The following BCAS3 variants were observed in gnomAD, a reference collection of about 807,000 sequenced individuals.
The protein encoded by BCAS3 is BCAS4/BCAS3 fusion.
In BCAS3, 53 loss-of-function variants were observed where a neutral mutation model predicts 116.1. The ratio of observed to expected loss-of-function variants is 0.46; its 90% CI spans 0.37 to 0.57. The LOEUF is 0.57. BCAS3 is among the 20% of genes least tolerant of loss of function. BCAS3 has a pLI of 0.00. For missense variants in BCAS3, 917 were observed against 1,165.4 expected (o/e 0.79, Z 3.10); for synonymous variants, 391 against 408.2 (o/e 0.96, Z 0.51).
At position 61,017,522 on chromosome 17, in the gene BCAS3, C is replaced by T. The variant is rs1373501835; in HGVS notation, c.1637+1621C>T. On this transcript the variant is annotated intron_variant, in intron 16 of 23. Transcript: ENST00000407086. The surrounding 1 kb of genome is among the most constrained non-coding windows in gnomAD (Gnocchi z 4.7). ...GAAATTTAAGAAGGTTCAAAAGGCT[C>T]CTGGAGTCATAAAAGCATATTCTGG... Among the ~76,000 whole-genome samples the T allele has an allele frequency of 6.6e-6, 1 of 152,136 alleles. No individual in the cohort carries two copies. The highest frequency in any genetic ancestry group is 1.5e-5 in the Non-Finnish European group (1 of 68,008).
At chr17:60,741,919 A>C (rs1305656010) in intron 5 of BCAS3, among the ~76,000 whole-genome samples, 1 of 152,208 alleles carries the variant, frequency 6.6e-6, no homozygotes, top group Admixed American at 6.5e-5. Flanking sequence ...GTTTACATCA[A>C]TATTCTTTAT....
At chr17:60,882,539 T>A (rs1286610712) in intron 9 of BCAS3, among the ~76,000 whole-genome samples, 1 of 152,218 alleles carries the variant, frequency 6.6e-6, no homozygotes, top group East Asian at 1.9e-4. Context: ...TGAATGGTCA[T>A]GCCTAGGTTC....
chr17:61,111,155 T>C (rs1230114767), intron 22 of BCAS3, among the ~76,000 whole-genome samples: 2 of 151,202 alleles, frequency 1.3e-5, no homozygotes, highest in East Asian at 3.9e-4. Context: ...ACAGAAAAAC[T>C]GGAAACTCTA....
In BCAS3 at chr17:61,161,741, G is replaced by A. The variant is rs529024374; in HGVS notation, c.2425+77177G>A. 8.5e-5 allele frequency among the ~76,000 whole-genome samples: 13 copies of A among 152,148 alleles called. No homozygotes were observed. Among genetic ancestry groups the A allele is most frequent in the African/African-American group, 1.9e-4 (8 of 41,514 alleles). On this transcript the variant is annotated intron_variant, in intron 22 of 23. Coordinates refer to ENST00000407086, the MANE Select transcript of BCAS3 (RefSeq NM_017679.5). This position sits in a 1 kb window ranked among gnomAD's most constrained non-coding sequence, Gnocchi z 4.8. ...CCCCTCAGCACACATACCAGCCCCC[G>A]CAATTCCAGTTTCATGGTGCCTGAG...
chr17:61,327,934 G>A lies in BCAS3; in HGVS notation c.2426-40393G>A, dbSNP rs914228530. ...GTAAATTGGTGCACCCTTTTTGGAA[G>A]GCAGTTTGGTAGTAACCATTATACA... On this transcript the variant is annotated intron_variant, in intron 22 of 23. Transcript: ENST00000407086. The surrounding 1 kb of genome is among the most constrained non-coding windows in gnomAD (Gnocchi z 5.9). Among the ~76,000 whole-genome samples the A allele has an allele frequency of 6.6e-6, 1 of 152,132 alleles. No homozygotes were observed. The highest frequency in any genetic ancestry group is 2.4e-5 in the African/African-American group (1 of 41,424).
chr17:61,108,915 C>T (rs118066438), intron 22 of BCAS3, among the ~76,000 whole-genome samples: 14 of 152,188 alleles, frequency 9.2e-5, no homozygotes, highest in East Asian at 5.8e-4. Context: ...CAGCTGGGCA[C>T]GGCGGCTCAT....
intron 7 of BCAS3, among the ~76,000 whole-genome samples, chr17:60,867,463 T>C (rs2054712473): frequency 6.6e-6 from 1 of 152,152 alleles, no homozygotes. Flanking sequence ...TATGAATCTT[T>C]CCTTAGATTT....
intron 23 of BCAS3, chr17:61,384,444 CCTCCTGTGCCACAG>C (rs1388694256): frequency 6.6e-6 from 1 of 152,274 alleles, no homozygotes; most frequent in Non-Finnish European, 1.5e-5. Flanking sequence ...CAGACCCTCC[CCTCCTGTGCCACAG>C]ATGCTGACGC....
At chr17:61,375,560 GTTAA>G (rs1162384224) in intron 23 of BCAS3, among the ~76,000 whole-genome samples, 2 of 147,612 alleles carry the variant, frequency 1.4e-5, no homozygotes, top group Non-Finnish European at 3.0e-5. Flanking sequence ...AGTACCATGT[GTTAA>G]TTATCTTTTT....
chr17:60,949,528 A>G (rs1324197875), intron 14 of BCAS3, among the ~76,000 whole-genome samples: 1 of 152,170 alleles, frequency 6.6e-6, no homozygotes. Flanking sequence ...CTCCTGCCTC[A>G]GCCTCCCAAC....
In BCAS3 at chr17:61,042,371, G is replaced by A. The variant is rs2067580862; in HGVS notation, c.2029+1479G>A. On this transcript the variant is annotated intron_variant, in intron 19 of 23. Transcript: ENST00000407086. ...TGAAATATTTATAAAACACATAGGG[G>A]AAAAGATATAGCTATATCTATCTCT... Among the ~76,000 whole-genome samples, 4 of 151,920 alleles carry A rather than the reference G, an allele frequency of 2.6e-5. No homozygotes were observed. The South Asian group carries it at 8.3e-4, about 32-fold the overall frequency.
In BCAS3 at chr17:61,098,949, C is replaced by T. The variant is rs549749823; in HGVS notation, c.2425+14385C>T. 6.6e-6 allele frequency among the ~76,000 whole-genome samples: 1 copy of T among 151,948 alleles called. No homozygotes were observed. The highest frequency in any genetic ancestry group is 2.1e-4 in the South Asian group (1 of 4,798). ...ATCATCCTGGCTAACACGGTGAAACCCCATCTCTACTAAAAATACGAAAAA... is the reference window on the plus strand; with the variant it reads ...ATCATCCTGGCTAACACGGTGAAACTCCATCTCTACTAAAAATACGAAAAA... On this transcript the variant is annotated intron_variant, in intron 22 of 23. Coordinates refer to ENST00000407086, the MANE Select transcript of BCAS3 (RefSeq NM_017679.5). This position sits in a 1 kb window ranked among gnomAD's most constrained non-coding sequence, Gnocchi z 4.2.
chr17:61,299,880 C>T (rs141861608), intron 22 of BCAS3, among the ~76,000 whole-genome samples: 1 of 152,150 alleles, frequency 6.6e-6, no homozygotes. Flanking sequence ...TCTATTATGA[C>T]AGGTTTTAAA....
At chr17:61,024,041 T>G (rs2066054254) in intron 16 of BCAS3, among the ~76,000 whole-genome samples, 1 of 152,162 alleles carries the variant, frequency 6.6e-6, no homozygotes, top group South Asian at 2.1e-4. Flanking sequence ...CTTTCCACTC[T>G]CATCTCACTT....
chr17:61,385,195 A>G (rs947973301), intron 23 of BCAS3, among the ~76,000 whole-genome samples: 1 of 152,182 alleles, frequency 6.6e-6, no homozygotes, highest in African/African-American at 2.4e-5. Flanking sequence ...GACTGGTGTA[A>G]GACAAGCAGC....
intron 19 of BCAS3, among the ~76,000 whole-genome samples, chr17:61,058,832 T>C (rs1200132313): frequency 6.6e-6 from 1 of 152,124 alleles, no homozygotes; most frequent in East Asian, 1.9e-4. Context: ...CAATCAATGA[T>C]ATAATTGACG....
At chr17:60,918,410 A>G (rs1222058804) in intron 12 of BCAS3, among the ~76,000 whole-genome samples, 7 of 152,166 alleles carry the variant, frequency 4.6e-5, no homozygotes, top group Admixed American at 3.9e-4. Context: ...GATATATATC[A>G]CCATGAGCAC....
At chr17:60,889,645 C>A in intron 9 of BCAS3, 50 bp from the exon 10 acceptor site, 1 of 1,479,740 alleles carries the variant, frequency 6.8e-7, no homozygotes, top group Non-Finnish European at 9.4e-7. Context: ...GATGCACCAA[C>A]AGAAAAGTTA....
intron 10 of BCAS3, among the ~76,000 whole-genome samples, chr17:60,891,407 G>T (rs761466527): frequency 6.6e-6 from 1 of 152,180 alleles, no homozygotes; most frequent in Non-Finnish European, 1.5e-5. Flanking sequence ...CTGGTGTCAT[G>T]TACAGAGACC....
Sources: gnomAD v4.1 joint callset for allele counts (sites outside exome capture counted in the v4.1 genomes callset) on GRCh38, gnomAD v4.1.1 for gene constraint, Gnocchi (gnomAD v3.1) non-coding constraint, MANE v1.5 for transcripts, NCBI Gene and HGNC (gene_info 2026-07-23, HGNC 2026-07-21) for gene names.